The following CTNNA2 variants were observed in gnomAD, a reference collection of about 807,000 sequenced individuals.
CTNNA2 encodes the protein catenin alpha-2.
Under a neutral mutation model 101.0 loss-of-function variants are expected in CTNNA2, and 42 were observed. That is an observed-to-expected ratio of 0.42 (90% CI 0.32 to 0.54). The LOEUF (loss-of-function observed/expected upper bound fraction) is 0.54. Ranked by LOEUF, CTNNA2 falls within the 20% of genes least tolerant of loss-of-function variation. The probability of loss-of-function intolerance (pLI) is 0.14; values close to 1 mark genes in which losing one functional copy is unlikely to be tolerated. For synonymous variants in CTNNA2, 450 were observed against 456.4 expected, an observed-to-expected ratio of 0.99 and a Z score of 0.18; for missense variants, 871 against 1,223.1, an observed-to-expected ratio of 0.71 and a Z score of 4.29.
chr2:80,511,622 A>C (rs1052036854), intron 9 of CTNNA2, among the ~76,000 whole-genome samples: 3 of 152,324 alleles, frequency 2.0e-5, no homozygotes, highest in Middle Eastern at 3.4e-3. Context: ...CATACTAAAA[A>C]TATCTGAGTG....
At chr2:79,531,554 C>G (rs915585079) in intron 1 of CTNNA2, among the ~76,000 whole-genome samples, 1 of 152,052 alleles carries the variant, frequency 6.6e-6, no homozygotes, top group Admixed American at 6.6e-5. Context: ...TAATACACAG[C>G]AGGGTGTCCA....
intron 1 of CTNNA2, among the ~76,000 whole-genome samples, chr2:79,554,435 A>G (rs1674313976): frequency 6.6e-6 from 1 of 152,186 alleles, no homozygotes. Flanking sequence ...GCTATATAGT[A>G]TTACCATATA....
At chr2:79,327,017 C>T (rs557442598) in intron 3 of CTNNA2, among the ~76,000 whole-genome samples, 3 of 152,144 alleles carry the variant, frequency 2.0e-5, no homozygotes, top group Admixed American at 6.6e-5. Context: ...AACTTCTCTT[C>T]TTGGATCTTG....
intron 7 of CTNNA2, among the ~76,000 whole-genome samples, chr2:79,945,118 C>T (rs946588125): frequency 2.6e-5 from 4 of 152,242 alleles, no homozygotes; most frequent in African/African-American, 9.6e-5. Flanking sequence ...CCTTGGCTCA[C>T]TGCAGCTTTG....
chr2:79,195,493 C>A (rs935602329), intron 1 of CTNNA2, among the ~76,000 whole-genome samples: 1 of 152,176 alleles, frequency 6.6e-6, no homozygotes. Flanking sequence ...GCTTTTACAA[C>A]CACACCCTCC....
intron 9 of CTNNA2, among the ~76,000 whole-genome samples, chr2:80,487,090 C>T (rs1046074399): frequency 4.6e-5 from 7 of 151,834 alleles, no homozygotes; most frequent in African/African-American, 7.3e-5. Flanking sequence ...TCCAGACCAG[C>T]GTGACCTTTA....
chr2:79,482,347 T>C (rs1671117381), intron 4 of CTNNA2, among the ~76,000 whole-genome samples: 3 of 152,108 alleles, frequency 2.0e-5, no homozygotes, highest in Non-Finnish European at 4.4e-5. Context: ...GGATGAAGGG[T>C]GCTTTCTCCT....
chr2:80,156,821 C>T (rs1347426619), intron 7 of CTNNA2, among the ~76,000 whole-genome samples: 1 of 152,214 alleles, frequency 6.6e-6, no homozygotes, highest in Admixed American at 6.5e-5. Flanking sequence ...TTGGCAGAAC[C>T]ATACTTACTT....
chr2:79,453,750 C>A (rs1276249585), intron 4 of CTNNA2, among the ~76,000 whole-genome samples: 2 of 152,086 alleles, frequency 1.3e-5, no homozygotes, highest in African/African-American at 4.8e-5. Context: ...CCTGCTTTAA[C>A]CCCAAGAATG....
intron 2 of CTNNA2, among the ~76,000 whole-genome samples, chr2:79,264,609 G>C (rs1260231948): frequency 3.3e-5 from 5 of 152,034 alleles, no homozygotes; most frequent in African/African-American, 1.2e-4. Flanking sequence ...TCACCATGAA[G>C]TCCTTCAAAG....
At chr2:79,424,854 T>C (rs1678576218) in intron 4 of CTNNA2, among the ~76,000 whole-genome samples, 1 of 152,194 alleles carries the variant, frequency 6.6e-6, no homozygotes, top group Admixed American at 6.5e-5. Context: ...GTGGTAAGCA[T>C]ATTTTTATTT....
At chr2:79,479,710 G>A in intron 4 of CTNNA2, among the ~76,000 whole-genome samples, 1 of 152,042 alleles carries the variant, frequency 6.6e-6, no homozygotes, top group East Asian at 1.9e-4. Context: ...ATTGCCTGAG[G>A]TCAGCAGTTC....
chr2:80,398,866 C>CA (rs200123155), intron 8 of CTNNA2, among the ~76,000 whole-genome samples: 2,702 of 147,324 alleles, frequency 0.018, 82 homozygotes, highest in African/African-American at 0.063. Flanking sequence ...GACTCTGTCT[C>CA]AAAAAAAAAG....
intron 9 of CTNNA2, among the ~76,000 whole-genome samples, chr2:80,455,380 T>G (rs1683880152): frequency 6.6e-6 from 1 of 152,126 alleles, no homozygotes; most frequent in Admixed American, 6.5e-5. Context: ...TCAGGAGGGT[T>G]GAGAAGGCAG....
chr2:79,781,515 T>A (rs1246157027), intron 3 of CTNNA2, among the ~76,000 whole-genome samples: 1 of 152,202 alleles, frequency 6.6e-6, no homozygotes, highest in East Asian at 1.9e-4. Context: ...GGAGCTTTAG[T>A]GTATAGCCCA....
At chr2:80,576,671 T>G (rs1269927424) in intron 13 of CTNNA2, among the ~76,000 whole-genome samples, 2 of 150,304 alleles carry the variant, frequency 1.3e-5, no homozygotes, top group Non-Finnish European at 2.9e-5. Context: ...TGAGTTTGTG[T>G]TCAAAGACAC....
chr2:80,081,004 C>T (rs140185558), intron 7 of CTNNA2, among the ~76,000 whole-genome samples: 2 of 127,698 alleles, frequency 1.6e-5, no homozygotes, highest in Admixed American at 1.7e-4. Flanking sequence ...ATACATGGGA[C>T]ATACTTTATA....
chr2:79,764,063 A>T (rs921525235), intron 3 of CTNNA2, among the ~76,000 whole-genome samples: 67 of 152,314 alleles, frequency 4.4e-4, no homozygotes, highest in African/African-American at 1.5e-3. Context: ...TACACAGTTA[A>T]GTGATGATCA....
At chr2:79,725,781 T>C (rs951880001) in intron 2 of CTNNA2, among the ~76,000 whole-genome samples, 5 of 151,954 alleles carry the variant, frequency 3.3e-5, no homozygotes, top group African/African-American at 7.2e-5. Flanking sequence ...TTACCACCCA[T>C]AGATTTTTTC....
Sources: gnomAD v4.1 joint callset for allele counts (sites outside exome capture counted in the v4.1 genomes callset) on GRCh38, gnomAD v4.1.1 for gene constraint, MANE v1.5 for transcripts, NCBI Gene and HGNC (gene_info 2026-07-23, HGNC 2026-07-21) for gene names.